Variants in MOK observed in about 807,000 individuals in gnomAD.
MOK encodes the protein MOK protein kinase.
MOK carries 59 observed loss-of-function variants against 54.2 expected under a neutral mutation model. The ratio of observed to expected loss-of-function variants is 1.09; its 90% confidence interval spans 0.88 to 1.35. The LOEUF (loss-of-function observed/expected upper bound fraction) is 1.35. Ranked by LOEUF, MOK falls within the 40% of genes most tolerant of loss-of-function variation. MOK has a pLI of 0.00. For synonymous variants in MOK, 210 were observed against 202.7 expected (o/e 1.04, Z -0.31); for missense variants, 517 against 526.2 (o/e 0.98, Z 0.17).
In MOK at chr14:102,232,568, T is replaced by TG; in HGVS notation, c.832dup (p.Gln278ProfsTer39). 3.1e-6 allele frequency: 5 copies of TG among 1,613,942 alleles called. No homozygotes were observed. The highest frequency in any genetic ancestry group is 4.2e-6 in the Non-Finnish European group (5 of 1,179,922). On this transcript the variant is annotated frameshift_variant, in exon 9 of 12. Transcript: ENST00000361847. LOFTEE classifies it high-confidence loss of function. This position sits in a 1 kb window ranked among gnomAD's most constrained non-coding sequence, Gnocchi z 5.1. The stretch of plus-strand genomic sequence containing the variant: ...TTGGAAGTAGGGGTGCTGCAGGGCC[T>TG]GGTGGGCGGCGATTCTCTCATCGGG...
Position 102,232,550 on chromosome 14 carries a change from T to G in MOK, c.851A>C (p.Tyr284Ser), listed in dbSNP as rs550324505. The G allele has an allele frequency of 6.2e-7, 1 of 1,613,376 alleles. No homozygotes were observed. Among genetic ancestry groups the G allele is most frequent in the South Asian group, 1.1e-5 (1 of 91,004 alleles). Reference protein sequence around the residue: ...IAAHQALQHPYFQEQRKTEKR... With the variant: ...IAAHQALQHPSFQEQRKTEKR... ...GAGTGCCTACCTCTGTTCTTGGAAGTAGGGGTGCTGCAGGGCCTGGTGGGC... is the reference window on the plus strand; with the variant it reads ...GAGTGCCTACCTCTGTTCTTGGAAGGAGGGGTGCTGCAGGGCCTGGTGGGC... Residue 284 changes from tyrosine to serine, a missense_variant, in exon 9 of 12, where the codon TAC (tyrosine) becomes TCC (serine). By Grantham distance (144) the Tyr-to-Ser change is moderately radical (BLOSUM62 -2). Coordinates refer to ENST00000361847, the MANE Select transcript of MOK (RefSeq NM_014226.3). This position sits in a 1 kb window ranked among gnomAD's most constrained non-coding sequence, Gnocchi z 5.1.
chr14:102,222,561 C>A (rs2064025467), downstream of MOK, among the ~76,000 whole-genome samples: 1 of 152,156 alleles, frequency 6.6e-6, no homozygotes, highest in Non-Finnish European at 1.5e-5. The surrounding 1 kb of genome is among the most constrained non-coding windows in gnomAD (Gnocchi z 4.4). Flanking sequence ...ACCACTGTCT[C>A]CCCCAAGGGC....
Position 102,305,002 on chromosome 14 carries a change from G to A in MOK, c.-34C>T. 1 of 1,603,998 alleles carries A rather than the reference G, an allele frequency of 6.2e-7. No individual in the cohort carries two copies. Among genetic ancestry groups the A allele is most frequent in the Non-Finnish European group, 8.5e-7 (1 of 1,175,106 alleles). ...CGGAAGCCGGTGACAACCCCTTGCC[G>A]ACACTGGACGGAAAAGAAAGAAGCA... On this transcript the variant is annotated 5_prime_UTR_variant, in exon 1 of 12. Transcript: ENST00000361847.
downstream of MOK, among the ~76,000 whole-genome samples, chr14:102,227,567 G>A (rs1228113603): frequency 3.3e-5 from 5 of 152,240 alleles, no homozygotes; most frequent in African/African-American, 1.2e-4. Flanking sequence ...ACCCTGCTCT[G>A]GAACATTATG....
In MOK at chr14:102,232,739, T is replaced by C. The variant is rs1480736092; in HGVS notation, c.693-31A>G. ...TTAAAAACCCAATGATAATAAATGG[T>C]CATGCTGTCACTGAGCGCACCGGTG... On this transcript the variant is annotated intron_variant, in intron 8 of 11. Coordinates refer to ENST00000361847, the MANE Select transcript of MOK (RefSeq NM_014226.3). This position sits in a 1 kb window ranked among gnomAD's most constrained non-coding sequence, Gnocchi z 5.1. 3 of 1,592,200 alleles carry C rather than the reference T, an allele frequency of 1.9e-6. No individual in the cohort carries two copies. The highest frequency in any genetic ancestry group is 1.7e-6 in the Non-Finnish European group (2 of 1,164,572).
intron 1 of MOK, among the ~76,000 whole-genome samples, chr14:102,289,051 C>T (rs370708680): frequency 6.6e-6 from 1 of 151,972 alleles, no homozygotes; most frequent in Non-Finnish European, 1.5e-5. Flanking sequence ...TACAGGCACC[C>T]GCCACCATGC....
At position 102,263,593 on chromosome 14, in the gene MOK, G is replaced by T. The variant is rs2067655007; in HGVS notation, c.236C>A (p.Ala79Glu). 6.2e-7 allele frequency: 1 copy of T among 1,605,506 alleles called. No homozygotes were observed. The highest frequency in any genetic ancestry group is 1.1e-5 in the South Asian group (1 of 88,674). ...VVFDRKSGSLALICELMDMNI... is the reference protein window; with the variant it reads ...VVFDRKSGSLELICELMDMNI... ...CATGTCCATAAGTTCACATATTAGT[G>T]CAAGAGAACCAGATTTTCTGTCACT... The change falls in exon 4 of 12, where the codon GCA (alanine) becomes GAA (glutamate). Residue 79 changes from alanine (A) to glutamate (E), a missense_variant. By Grantham distance (107) the Ala-to-Glu change is moderately radical (BLOSUM62 -1). Transcript: ENST00000361847.
At chr14:102,215,789 A>C in the MOK span, among the ~76,000 whole-genome samples, 1 of 152,196 alleles carries the variant, frequency 6.6e-6, no homozygotes, top group Non-Finnish European at 1.5e-5. Flanking sequence ...TACACAGGGC[A>C]GTGGGGGACG....
At chr14:102,257,730 G>C (rs1304232442) in intron 4 of MOK, among the ~76,000 whole-genome samples, 1 of 152,198 alleles carries the variant, frequency 6.6e-6, no homozygotes, top group South Asian at 2.1e-4. Context: ...TGTAATCCCA[G>C]CACTTTGGGA....
At chr14:102,216,394 T>A in the MOK span, among the ~76,000 whole-genome samples, 1 of 152,118 alleles carries the variant, frequency 6.6e-6, no homozygotes, top group Non-Finnish European at 1.5e-5. Flanking sequence ...CTGGGCTCAG[T>A]GATCCTCCCA....
chr14:102,279,581 T>C (rs981097526), intron 2 of MOK, among the ~76,000 whole-genome samples: 2 of 152,090 alleles, frequency 1.3e-5, no homozygotes, highest in African/African-American at 2.4e-5. Context: ...GCTGGGATTA[T>C]AGGTGTGAGA....
the MOK span, among the ~76,000 whole-genome samples, chr14:102,218,505 G>T: frequency 6.6e-6 from 1 of 152,226 alleles, no homozygotes; most frequent in Non-Finnish European, 1.5e-5. Flanking sequence ...ACCTGCAGGG[G>T]CAGGAACATG....
In MOK at chr14:102,236,679, ACAC is replaced by A. The variant is rs145537414; in HGVS notation, c.591-2893_591-2891del. Among the ~76,000 whole-genome samples the A allele has an allele frequency of 0.26, 39,251 of 151,424 alleles. 5,913 individuals are homozygous for A. Among genetic ancestry groups the A allele is most frequent in the African/African-American group, 0.43 (17,515 of 41,174 alleles). On this transcript the variant is annotated intron_variant, in intron 7 of 11. Transcript: ENST00000361847. This position sits in a 1 kb window ranked among gnomAD's most constrained non-coding sequence, Gnocchi z 4.5. ...TCTTTTGTAAACCCAACAGGGTGGG[ACAC>A]CACCACCCCTTCCCTAGCTACTCAC...
intron 1 of MOK, among the ~76,000 whole-genome samples, chr14:102,291,147 C>T (rs573238888): frequency 2.6e-5 from 4 of 152,146 alleles, no homozygotes; most frequent in Admixed American, 6.6e-5. Context: ...GGACAGAGCA[C>T]GGTACCATAT....
chr14:102,215,458 C>T, the MOK span, among the ~76,000 whole-genome samples: 88 of 152,088 alleles, frequency 5.8e-4, no homozygotes, highest in African/African-American at 2.0e-3. Context: ...AGGCTGCTTG[C>T]TTTTTTTTAT....
At chr14:102,262,448 C>T (rs1269793080) in intron 4 of MOK, among the ~76,000 whole-genome samples, 1 of 152,262 alleles carries the variant, frequency 6.6e-6, no homozygotes, top group East Asian at 1.9e-4. Flanking sequence ...TGAGCCACTG[C>T]ACCCAGCTTT....
At chr14:102,251,589 TA>T in intron 6 of MOK, 166 bp downstream of exon 6, 1 of 690,406 alleles carries the variant, frequency 1.4e-6, no homozygotes, top group South Asian at 1.5e-5. Flanking sequence ...TGGCATTTAT[TA>T]AATAAACCAT....
In MOK at chr14:102,238,025, CTG is replaced by C; in HGVS notation, c.591-4238_591-4237del. The C allele has an allele frequency of 6.6e-6, 1 of 152,278 alleles. No individual in the cohort carries two copies. The highest frequency in any genetic ancestry group is 1.5e-5 in the Non-Finnish European group (1 of 68,104). The allele number at this position is 152,278 out of a possible 1,614,324, so 9.4% of individuals were successfully genotyped here. A position where few individuals can be genotyped will look rare whatever the true frequency, so the allele number is the denominator to read the frequency against. ...CCCTTCAACCCAGCATCCTTACTCC[CTG>C]TATCTTCTTCCCTTCCTACTCATTC... On this transcript the variant is annotated intron_variant, in intron 7 of 11. Transcript: ENST00000361847. This position sits in a 1 kb window ranked among gnomAD's most constrained non-coding sequence, Gnocchi z 4.8.
intron 4 of MOK, among the ~76,000 whole-genome samples, chr14:102,255,135 C>T (rs1055897462): frequency 2.0e-5 from 3 of 151,996 alleles, no homozygotes; most frequent in Non-Finnish European, 2.9e-5. Context: ...CTGGCTAACA[C>T]GGTGAAGCCC....
Sources: gnomAD v4.1 joint callset for allele counts (sites outside exome capture counted in the v4.1 genomes callset) on GRCh38, gnomAD v4.1.1 for gene constraint, Gnocchi (gnomAD v3.1) non-coding constraint, MANE v1.5 for transcripts, NCBI Gene and HGNC (gene_info 2026-07-23, HGNC 2026-07-21) for gene names.